YAF2: variants seen among roughly 807,000 people sequenced by gnomAD.
YAF2 encodes the protein YY1-associated factor 2.
In YAF2, 7 loss-of-function variants were observed where a neutral mutation model predicts 20.1. The ratio of observed to expected loss-of-function variants is 0.35; its 90% CI spans 0.20 to 0.65. YAF2 has a LOEUF of 0.65. Among genes scored for constraint, YAF2 ranks in the 30% least tolerant of loss-of-function variants. The pLI is 0.69. For missense variants in YAF2, 151 were observed against 219.2 expected (o/e 0.69, Z 1.96); for synonymous variants, 74 against 76.0 (o/e 0.97, Z 0.14).
Position 42,228,136 on chromosome 12 carries a change from G to A in YAF2, c.152+9463C>T, listed in dbSNP as rs1426913945. ...CTCTGCCCGGCCAGCCGCCCCGTCC[G>A]GGAGGGAGGTGGGGGGGGTCGGCCC... On this transcript the variant is annotated intron_variant, in intron 2 of 3. Transcript: ENST00000534854. 2.0e-3 allele frequency among the ~76,000 whole-genome samples: 141 copies of A among 69,398 alleles called. 2 individuals carry two copies. Among genetic ancestry groups the A allele is most frequent in the Non-Finnish European group, 2.5e-3 (95 of 37,658 alleles). 45.5% of individuals were successfully genotyped at this position (69,398 alleles called of 152,430 possible). A position where few individuals can be genotyped will look rare whatever the true frequency, so the allele number is the denominator to read the frequency against.
intron 2 of YAF2, 23 bp downstream of exon 2, chr12:42,237,576 C>T: frequency 1.3e-6 from 2 of 1,495,376 alleles, no homozygotes; most frequent in Non-Finnish European, 1.8e-6. Flanking sequence ...GCCGGCGGCG[C>T]GAGGGGCAGG....
intron 2 of YAF2, among the ~76,000 whole-genome samples, chr12:42,202,708 G>A (rs567663892): frequency 2.0e-5 from 3 of 152,184 alleles, no homozygotes; most frequent in South Asian, 2.1e-4. Flanking sequence ...GCATGATCTC[G>A]GCTCACTGCA....
chr12:42,234,496 C>A, intron 2 of YAF2: 1 of 982,854 alleles, frequency 1.0e-6, no homozygotes, highest in Non-Finnish European at 1.2e-6. Context: ...CACATGTACC[C>A]CAAAATCTAA....
intron 2 of YAF2, among the ~76,000 whole-genome samples, chr12:42,194,698 T>C (rs999094770): frequency 1.3e-5 from 2 of 152,196 alleles, no homozygotes; most frequent in Admixed American, 6.5e-5. Context: ...AATTTTTTGG[T>C]GTTGTACAGT....
chr12:42,210,749 C>T (rs1298583845), intron 2 of YAF2: 4 of 1,382,234 alleles, frequency 2.9e-6, no homozygotes, highest in Non-Finnish European at 3.9e-6. Context: ...CAGAAGAAAG[C>T]ATAAATTCAC....
At chr12:42,190,976 A>T (rs560815321) in intron 2 of YAF2, among the ~76,000 whole-genome samples, 3 of 152,168 alleles carry the variant, frequency 2.0e-5, no homozygotes, top group Admixed American at 6.5e-5. Context: ...AACCTATTTT[A>T]AAAAATGTTC....
chr12:42,157,469 T>C lies in YAF2; in HGVS notation c.*3120A>G, dbSNP rs917776775. The C allele has an allele frequency of 1.3e-5, 2 of 152,172 alleles. No individual in the cohort carries two copies. The highest frequency in any genetic ancestry group is 4.8e-5 in the African/African-American group (2 of 41,434). The allele number at this position is 152,172 out of a possible 1,614,324, so 9.4% of individuals were successfully genotyped here. On this transcript the variant is annotated 3_prime_UTR_variant, in exon 4 of 4. Transcript: ENST00000534854. The stretch of plus-strand genomic sequence containing the variant: ...GTGAGGACAAACCATATCCAAACCA[T>C]AGCAGGAAGTTTAAAAAAGCGAGTG...
chr12:42,232,467 A>G (rs1277552779), intron 2 of YAF2: 2 of 985,316 alleles, frequency 2.0e-6, no homozygotes, highest in Admixed American at 6.1e-5. Flanking sequence ...ATTTACCCAT[A>G]TACAATTAAC....
chr12:42,185,881 C>T (rs2066459548), intron 2 of YAF2, among the ~76,000 whole-genome samples: 2 of 152,136 alleles, frequency 1.3e-5, no homozygotes, highest in Admixed American at 6.6e-5. Context: ...GGGCACAATA[C>T]AATAAATTTA....
At chr12:42,238,005 G>C in intron 1 of YAF2, 150 bp downstream of exon 1, 4 of 445,874 alleles carry the variant, frequency 9.0e-6, no homozygotes, top group Non-Finnish European at 9.5e-6. Flanking sequence ...GGCCGGCGCC[G>C]GCCCCCTCAA....
chr12:42,192,664 C>A (rs2066645339), intron 2 of YAF2, among the ~76,000 whole-genome samples: 1 of 152,002 alleles, frequency 6.6e-6, no homozygotes, highest in African/African-American at 2.4e-5. Flanking sequence ...ATTAGAGTAG[C>A]CCAGAAAAGA....
intron 2 of YAF2, among the ~76,000 whole-genome samples, chr12:42,220,070 GT>G (rs1425327094): frequency 6.6e-6 from 1 of 152,194 alleles, no homozygotes; most frequent in Non-Finnish European, 1.5e-5. Context: ...CCAAGATGAG[GT>G]GAGAATGGTT....
chr12:42,166,457 T>C (rs988698936), intron 2 of YAF2, among the ~76,000 whole-genome samples: 2 of 152,338 alleles, frequency 1.3e-5, no homozygotes, highest in South Asian at 4.1e-4. Flanking sequence ...ATAAAGAATG[T>C]TTTCACATGT....
intron 2 of YAF2, among the ~76,000 whole-genome samples, chr12:42,207,469 TTAA>T (rs34938902): frequency 0.35 from 53,263 of 151,874 alleles, 9,615 homozygotes; most frequent in South Asian, 0.47. Flanking sequence ...AGATAAATTA[TTAA>T]TAATATTATA....
chr12:42,226,555 T>G (rs1246769149), intron 2 of YAF2, among the ~76,000 whole-genome samples: 2 of 152,056 alleles, frequency 1.3e-5, no homozygotes, highest in Non-Finnish European at 2.9e-5. Context: ...TCCCAGCTAC[T>G]TGGGAGGCTA....
At chr12:42,178,422 CA>C (rs2137034282) in intron 2 of YAF2, among the ~76,000 whole-genome samples, 1 of 152,282 alleles carries the variant, frequency 6.6e-6, no homozygotes, top group South Asian at 2.1e-4. Flanking sequence ...CCAGGTGAAG[CA>C]AATTATTACA....
At chr12:42,189,971 T>C (rs1184477444) in intron 2 of YAF2, among the ~76,000 whole-genome samples, 2 of 152,194 alleles carry the variant, frequency 1.3e-5, no homozygotes, top group African/African-American at 4.8e-5. Flanking sequence ...TCTGAAAGGG[T>C]TGAAGACAAA....
intron 2 of YAF2, chr12:42,234,373 T>C (rs1297087070): frequency 3.0e-6 from 3 of 985,268 alleles, no homozygotes; most frequent in East Asian, 2.3e-4. Context: ...GTAAAAAATT[T>C]TGGAGTGAGG....
chr12:42,162,940 A>G (rs914783971), intron 2 of YAF2, among the ~76,000 whole-genome samples: 1 of 152,174 alleles, frequency 6.6e-6, no homozygotes, highest in African/African-American at 2.4e-5. Flanking sequence ...TGCACAAATA[A>G]AAGTGATATT....
Sources: gnomAD v4.1 joint callset for allele counts (sites outside exome capture counted in the v4.1 genomes callset) on GRCh38, gnomAD v4.1.1 for gene constraint, MANE v1.5 for transcripts, NCBI Gene and HGNC (gene_info 2026-07-23, HGNC 2026-07-21) for gene names.